The following CYRIA variants were observed in gnomAD, a reference collection of about 807,000 sequenced individuals.
CYRIA encodes CYFIP-related Rac1 interactor A.
In CYRIA, 15 loss-of-function variants were observed where a neutral mutation model predicts 43.9. That is an observed-to-expected ratio of 0.34 (90% CI 0.23 to 0.53). CYRIA has a LOEUF of 0.53. Among genes scored for constraint, CYRIA ranks in the 20% least tolerant of loss-of-function variants. The probability of loss-of-function intolerance (pLI) is 0.94; values close to 1 mark genes in which losing one functional copy is unlikely to be tolerated. For missense variants in CYRIA, 236 were observed against 394.2 expected, an observed-to-expected ratio of 0.60 and a Z score of 3.40; for synonymous variants, 117 against 136.0, an observed-to-expected ratio of 0.86 and a Z score of 0.97.
At chr2:16,603,901 C>A (rs59622496) in intron 2 of CYRIA, among the ~76,000 whole-genome samples, 29,638 of 152,166 alleles carry the variant, frequency 0.19, 3,621 homozygotes, top group African/African-American at 0.34. Flanking sequence ...CTATGTTACA[C>A]GGTTTTTATT....
chr2:16,661,259 A>G (rs552520232), intron 1 of CYRIA, among the ~76,000 whole-genome samples: 83 of 152,176 alleles, frequency 5.5e-4, no homozygotes, highest in Non-Finnish European at 7.2e-4. Flanking sequence ...TGGGTGACAG[A>G]GCAAGACCCT....
At chr2:16,586,120 G>A (rs771142380) in intron 3 of CYRIA, among the ~76,000 whole-genome samples, 6 of 152,004 alleles carry the variant, frequency 3.9e-5, no homozygotes, top group Non-Finnish European at 7.4e-5. Flanking sequence ...AGAAGCATAC[G>A]GAATTTAGGG....
At chr2:16,644,283 G>A (rs1179056063) in intron 1 of CYRIA, among the ~76,000 whole-genome samples, 1 of 152,214 alleles carries the variant, frequency 6.6e-6, no homozygotes, top group East Asian at 1.9e-4. Flanking sequence ...GAGAGCCGAT[G>A]TGAGTGAATC....
chr2:16,561,919 C>A, intron 6 of CYRIA, 86 bp downstream of exon 6: 1 of 1,334,620 alleles, frequency 7.5e-7, no homozygotes, highest in Non-Finnish European at 1.0e-6. Context: ...TCTCTACCCA[C>A]CCACCCCACA....
intron 1 of CYRIA, among the ~76,000 whole-genome samples, chr2:16,630,792 G>A (rs1375821445): frequency 6.6e-6 from 1 of 152,148 alleles, no homozygotes; most frequent in Non-Finnish European, 1.5e-5. Flanking sequence ...TCAGACAAAG[G>A]GTCATTTTTA....
intron 2 of CYRIA, among the ~76,000 whole-genome samples, chr2:16,590,259 G>A (rs1667879455): frequency 6.6e-6 from 1 of 152,120 alleles, no homozygotes; most frequent in African/African-American, 2.4e-5. Flanking sequence ...GGCTGGTAGA[G>A]TCCATCCCTG....
chr2:16,617,973 C>T (rs10167880), intron 2 of CYRIA, among the ~76,000 whole-genome samples: 62,386 of 152,038 alleles, frequency 0.41, 13,482 homozygotes, highest in Middle Eastern at 0.54. Flanking sequence ...TGGTCACTTT[C>T]TGGTTTTCTC....
chr2:16,628,439 GCAGCTGTGCTAACCCA>G (rs1345489039), intron 1 of CYRIA, among the ~76,000 whole-genome samples: 21 of 152,306 alleles, frequency 1.4e-4, no homozygotes, highest in African/African-American at 5.1e-4. Flanking sequence ...CCACAACTGT[GCAGCTGTGCTAACCCA>G]CAGCCAGCTT....
At chr2:16,577,895 C>T (rs930904281) in intron 3 of CYRIA, among the ~76,000 whole-genome samples, 5 of 152,172 alleles carry the variant, frequency 3.3e-5, no homozygotes, top group African/African-American at 7.2e-5. Context: ...TCTATGACTG[C>T]GGGAGGGGAG....
intron 3 of CYRIA, among the ~76,000 whole-genome samples, chr2:16,568,718 A>C (rs1482552653): frequency 1.3e-5 from 2 of 152,206 alleles, no homozygotes; most frequent in Non-Finnish European, 2.9e-5. Flanking sequence ...GAAGAAAAGC[A>C]AGATAGTCAG....
intron 2 of CYRIA, among the ~76,000 whole-genome samples, chr2:16,599,600 T>TGC (rs1668128328): frequency 7.1e-6 from 1 of 140,336 alleles, no homozygotes; most frequent in African/African-American, 2.7e-5. Flanking sequence ...TCGCGCACGG[T>TGC]GCGCACACAC....
In CYRIA at chr2:16,550,545, A is replaced by G. The variant is rs977120222; in HGVS notation, c.*2391T>C. ...CTGAGTCTTGGCTTTGAGACAAGAC[A>G]AGTCTTGGCTAAATTGAGGCAGGAC... On this transcript the variant is annotated 3_prime_UTR_variant, in exon 12 of 12. Transcript: ENST00000381323. The G allele has an allele frequency of 7.2e-5, 11 of 152,132 alleles. No individual in the cohort carries two copies. Among genetic ancestry groups the G allele is most frequent in the Non-Finnish European group, 1.5e-4 (10 of 68,010 alleles). 9.4% of individuals were successfully genotyped at this position (152,132 alleles called of 1,614,324 possible).
chr2:16,626,975 C>T (rs1324776925), intron 1 of CYRIA, among the ~76,000 whole-genome samples: 1 of 152,174 alleles, frequency 6.6e-6, no homozygotes, highest in Non-Finnish European at 1.5e-5. Flanking sequence ...GTAATCACCC[C>T]AGTTTATAAA....
chr2:16,628,517 C>T (rs375688235), intron 1 of CYRIA, among the ~76,000 whole-genome samples: 9 of 152,310 alleles, frequency 5.9e-5, no homozygotes, highest in East Asian at 5.8e-4. Flanking sequence ...ATACTCCCTA[C>T]GCTACACATC....
At chr2:16,641,857 G>A (rs900534505) in intron 1 of CYRIA, among the ~76,000 whole-genome samples, 1 of 152,172 alleles carries the variant, frequency 6.6e-6, no homozygotes, top group African/African-American at 2.4e-5. Context: ...GAAGCCAATG[G>A]TCAACTCTCT....
chr2:16,629,697 T>G (rs1378385189), intron 1 of CYRIA, among the ~76,000 whole-genome samples: 1 of 152,222 alleles, frequency 6.6e-6, no homozygotes, highest in Non-Finnish European at 1.5e-5. Flanking sequence ...GAGATATTTT[T>G]TACCTGTTTT....
intron 3 of CYRIA, among the ~76,000 whole-genome samples, chr2:16,584,638 C>T (rs1667662327): frequency 6.6e-6 from 1 of 152,326 alleles, no homozygotes; most frequent in Middle Eastern, 3.4e-3. Context: ...ATGGTCTAAC[C>T]CAAGCCAGCC....
chr2:16,649,528 C>T, intron 1 of CYRIA, among the ~76,000 whole-genome samples: 1 of 148,214 alleles, frequency 6.7e-6, no homozygotes, highest in African/African-American at 2.5e-5. Flanking sequence ...CAGGGCATGG[C>T]TGTACAGTAC....
intron 1 of CYRIA, among the ~76,000 whole-genome samples, chr2:16,646,987 G>C (rs1669839459): frequency 6.6e-6 from 1 of 152,198 alleles, no homozygotes; most frequent in Non-Finnish European, 1.5e-5. Context: ...TGGGTCTCCA[G>C]CTTGCCAGAT....
Sources: allele counts gnomAD v4.1 joint callset (sites outside exome capture counted in the v4.1 genomes callset), GRCh38; gene constraint gnomAD v4.1.1; transcripts MANE v1.5; gene names NCBI Gene and HGNC (gene_info 2026-07-23, HGNC 2026-07-21).